The following ALDH1L1 variants were observed in gnomAD, a reference collection of about 807,000 sequenced individuals.
The protein encoded by ALDH1L1 is cytosolic 10-formyltetrahydrofolate dehydrogenase.
In ALDH1L1, 68 loss-of-function variants were observed where a neutral mutation model predicts 101.1. That is an observed-to-expected ratio of 0.67 (90% CI 0.55 to 0.82). The LOEUF (loss-of-function observed/expected upper bound fraction) is 0.82. Ranked by LOEUF, ALDH1L1 falls within the 40% of genes least tolerant of loss-of-function variation. The pLI, the probability that ALDH1L1 is intolerant of heterozygous loss-of-function variation, is 0.00. For missense variants in ALDH1L1, 1,087 were observed against 1,172.7 expected (o/e 0.93, Z 1.07); for synonymous variants, 486 against 470.8 (o/e 1.03, Z -0.42).
chr3:126,196,028 G>A (rs1023414214), intron 1 of ALDH1L1, among the ~76,000 whole-genome samples: 30 of 152,100 alleles, frequency 2.0e-4, no homozygotes, highest in Non-Finnish European at 3.4e-4. Flanking sequence ...GAGTTAATGG[G>A]TGCAGCACAC....
chr3:126,182,206 G>A (rs1012516873), upstream of ALDH1L1, among the ~76,000 whole-genome samples: 4 of 152,000 alleles, frequency 2.6e-5, no homozygotes, highest in African/African-American at 9.7e-5. Context: ...GAGTCCAATG[G>A]TGCAATCTCA....
At chr3:126,167,230 T>TA (rs1050048719) in intron 1 of ALDH1L1, among the ~76,000 whole-genome samples, 3 of 152,130 alleles carry the variant, frequency 2.0e-5, no homozygotes, top group African/African-American at 7.2e-5. Context: ...CCCAAAGTTC[T>TA]AAAAAAATGA....
At chr3:126,130,924 GC>G (rs1224020641) in intron 13 of ALDH1L1, among the ~76,000 whole-genome samples, 4 of 152,246 alleles carry the variant, frequency 2.6e-5, no homozygotes, top group Non-Finnish European at 4.4e-5. Context: ...GTGCCCATGA[GC>G]CCAGAATAAC....
chr3:126,160,134 C>T (rs2081010379), intron 2 of ALDH1L1: 1 of 153,962 alleles, frequency 6.5e-6, no homozygotes, highest in African/African-American at 2.4e-5. Flanking sequence ...CGTGCTTTTC[C>T]TAGTACAAGA....
intron 1 of ALDH1L1, among the ~76,000 whole-genome samples, chr3:126,187,762 T>A (rs2081529295): frequency 6.6e-6 from 1 of 152,072 alleles, no homozygotes; most frequent in African/African-American, 2.4e-5. Flanking sequence ...AGGGAAACTA[T>A]CAAGGGCCCT....
intron 9 of ALDH1L1, among the ~76,000 whole-genome samples, chr3:126,144,666 C>T (rs1014905336): frequency 1.3e-5 from 2 of 151,990 alleles, no homozygotes; most frequent in African/African-American, 4.8e-5. Context: ...ATAATTAAAT[C>T]GGATCCTTAT....
upstream of ALDH1L1, among the ~76,000 whole-genome samples, chr3:126,183,384 G>C (rs2081492120): frequency 6.6e-6 from 1 of 152,132 alleles, no homozygotes. Flanking sequence ...AATATAAAAT[G>C]AAAAGAGACC....
intron 1 of ALDH1L1, among the ~76,000 whole-genome samples, chr3:126,195,971 G>A (rs1686712284): frequency 6.6e-6 from 1 of 152,158 alleles, no homozygotes; most frequent in Admixed American, 6.5e-5. Flanking sequence ...ATGGGGTGGG[G>A]GAAGAGGGGA....
intron 1 of ALDH1L1, among the ~76,000 whole-genome samples, chr3:126,188,976 G>A (rs781096894): frequency 1.8e-4 from 27 of 151,990 alleles, no homozygotes; most frequent in East Asian, 3.9e-4. Context: ...TACAGTACCC[G>A]ACGTATTTAT....
In ALDH1L1 at chr3:126,195,800, A is replaced by G. The variant is rs527819412; in HGVS notation, c.-24+1935T>C. 4.1e-4 allele frequency among the ~76,000 whole-genome samples: 62 copies of G among 152,350 alleles called. No homozygotes were observed. In the East Asian group the frequency reaches 0.011, roughly 27 times the overall value. On this transcript the variant is annotated intron_variant, in intron 1 of 2. Coordinates refer to the ALDH1L1 transcript ENST00000509952. ...TGCAGCCATAAAAAAGGATGAGTTC[A>G]TGTCCTTTGTAGGGACATGGATGAA...
At chr3:126,131,679 C>A in intron 12 of ALDH1L1, 145 bp from the exon 13 acceptor site, 7 of 888,932 alleles carry the variant, frequency 7.9e-6, no homozygotes, top group Non-Finnish European at 1.2e-5. Context: ...CGTTTCTGAT[C>A]CATGCAATGG....
At chr3:126,189,041 A>G (rs181951753) in intron 1 of ALDH1L1, among the ~76,000 whole-genome samples, 58 of 152,324 alleles carry the variant, frequency 3.8e-4, no homozygotes, top group Admixed American at 6.5e-4. Flanking sequence ...CTGATAAGCC[A>G]TCTCGCATCC....
rs768253751 is a variant in ALDH1L1, at chr3:126,109,894, G to A, written c.2347+50C>T. 38 of 1,601,554 alleles carry A rather than the reference G, an allele frequency of 2.4e-5. 3 individuals carry two copies. The South Asian group carries it at 4.0e-4, about 17-fold the overall frequency. On this transcript the variant is annotated intron_variant, in intron 20 of 22. Coordinates refer to ENST00000393434, the MANE Select transcript of ALDH1L1 (RefSeq NM_012190.4). ...GCTGGACAGGGAACCAGAGGCCATG[G>A]GACCTGCTGCCTCAATTGACCCAAG...
intron 1 of ALDH1L1, among the ~76,000 whole-genome samples, chr3:126,179,236 G>T (rs2081424502): frequency 6.6e-6 from 1 of 152,218 alleles, no homozygotes; most frequent in South Asian, 2.1e-4. Flanking sequence ...GGCTTCCTGG[G>T]CCTCCCAACC....
At chr3:126,157,312 G>C (rs529302301) in intron 4 of ALDH1L1, 31 bp downstream of exon 4, 19 of 1,593,904 alleles carry the variant, frequency 1.2e-5, no homozygotes, top group Non-Finnish European at 1.6e-5. Context: ...GCGTCGGGGC[G>C]GGCAGGGCGC....
At chr3:126,154,293 A>C (rs1019361520) in intron 6 of ALDH1L1, among the ~76,000 whole-genome samples, 4 of 152,088 alleles carry the variant, frequency 2.6e-5, no homozygotes, top group African/African-American at 9.7e-5. Flanking sequence ...ATATTTCACC[A>C]CCAATACAGC....
rs1263449316 is a variant in ALDH1L1, at chr3:126,110,051, C to T, written c.2240G>A (p.Gly747Glu). The T allele has an allele frequency of 3.7e-6, 6 of 1,614,210 alleles. No individual in the cohort carries two copies. Among genetic ancestry groups the T allele is most frequent in the Non-Finnish European group, 5.1e-6 (6 of 1,180,034 alleles). ...AAGGTGGGCATGGTGATTCTGCGGCCCGTGGTCGGTGTCCCTGTCCAGCGG... is the reference window on the plus strand; with the variant it reads ...AAGGTGGGCATGGTGATTCTGCGGCTCGTGGTCGGTGTCCCTGTCCAGCGG... Reference protein sequence around the residue: ...GNPLDRDTDHGPQNHHAHLVK... With the variant: ...GNPLDRDTDHEPQNHHAHLVK... The change falls in exon 20 of 23, where the codon GGG becomes GAG. Residue 747 changes from glycine to glutamate, a missense_variant. Transcript: ENST00000393434.
intron 17 of ALDH1L1, among the ~76,000 whole-genome samples, chr3:126,116,311 C>T (rs1199673874): frequency 4.0e-5 from 6 of 151,658 alleles, no homozygotes; most frequent in African/African-American, 1.5e-4. Context: ...TGCGTGATCT[C>T]GGCTCATTTA....
intron 2 of ALDH1L1, among the ~76,000 whole-genome samples, chr3:126,158,891 G>A (rs60469434): frequency 2.0e-5 from 3 of 152,168 alleles, no homozygotes; most frequent in Non-Finnish European, 4.4e-5. Context: ...CCAGAACCCA[G>A]ATGGCTGACC....
Sources: allele counts gnomAD v4.1 joint callset (sites outside exome capture counted in the v4.1 genomes callset), GRCh38; gene constraint gnomAD v4.1.1; transcripts MANE v1.5; gene names NCBI Gene and HGNC (gene_info 2026-07-23, HGNC 2026-07-21).